The following FHIT variants were observed in gnomAD, a reference collection of about 807,000 sequenced individuals.
The protein encoded by FHIT is fragile histidine triad diadenosine triphosphatase.
Under a neutral mutation model 17.9 loss-of-function variants are expected in FHIT, and 19 were observed. That is an observed-to-expected ratio of 1.06 (90% CI 0.74 to 1.56). The LOEUF (loss-of-function observed/expected upper bound fraction) is 1.56. Ranked by LOEUF, FHIT falls within the 40% of genes most tolerant of loss-of-function variation. The pLI is 0.00. For missense variants in FHIT, 248 were observed against 189.2 expected, an observed-to-expected ratio of 1.31 and a Z score of -1.82; for synonymous variants, 81 against 69.7, an observed-to-expected ratio of 1.16 and a Z score of -0.81.
intron 3 of FHIT, among the ~76,000 whole-genome samples, chr3:60,823,052 T>C (rs181300681): frequency 6.6e-6 from 1 of 152,334 alleles, no homozygotes; most frequent in East Asian, 1.9e-4. Context: ...ATGTAGTAAT[T>C]GAAAGCAGAT....
chr3:60,788,610 T>G (rs1437694614), intron 4 of FHIT, among the ~76,000 whole-genome samples: 1 of 152,166 alleles, frequency 6.6e-6, no homozygotes, highest in Non-Finnish European at 1.5e-5. Flanking sequence ...AAGGGAGGTA[T>G]GTACATATAT....
At chr3:60,428,148 G>C (rs1702744127) in intron 5 of FHIT, among the ~76,000 whole-genome samples, 1 of 152,096 alleles carries the variant, frequency 6.6e-6, no homozygotes. Flanking sequence ...CCCCAAGAGG[G>C]CTCTCAAAGT....
chr3:59,907,212 C>T (rs2107116349), intron 8 of FHIT, among the ~76,000 whole-genome samples: 1 of 152,326 alleles, frequency 6.6e-6, no homozygotes, highest in Non-Finnish European at 1.5e-5. Context: ...CCCACACTTC[C>T]ATGGCCCTTT....
chr3:60,637,190 G>A (rs533731929), intron 4 of FHIT, among the ~76,000 whole-genome samples: 169 of 152,268 alleles, frequency 1.1e-3, no homozygotes, highest in Non-Finnish European at 2.2e-3. Context: ...ACTTGGGTAG[G>A]AGACATTTCA....
chr3:60,783,399 C>T (rs1473084963), intron 4 of FHIT, among the ~76,000 whole-genome samples: 1 of 152,292 alleles, frequency 6.6e-6, no homozygotes, highest in South Asian at 2.1e-4. Flanking sequence ...TAAGGCCTTA[C>T]ATGCTACAGA....
intron 3 of FHIT, among the ~76,000 whole-genome samples, chr3:60,915,298 T>C (rs35000370): frequency 1.6e-3 from 241 of 152,242 alleles, no homozygotes; most frequent in Middle Eastern, 3.4e-3. Context: ...TGATACCACA[T>C]ATAAAAGTGG....
chr3:60,310,392 G>T (rs751541971), intron 5 of FHIT, among the ~76,000 whole-genome samples: 3 of 152,158 alleles, frequency 2.0e-5, no homozygotes, highest in Non-Finnish European at 4.4e-5. Context: ...AGTAGAACAA[G>T]AATTGGGTGG....
chr3:60,561,541 A>G (rs778757965), intron 4 of FHIT, among the ~76,000 whole-genome samples: 6 of 152,156 alleles, frequency 3.9e-5, no homozygotes, highest in Non-Finnish European at 5.9e-5. Context: ...TGCAATAGTC[A>G]TCTGGGCAGG....
At position 60,299,623 on chromosome 3, in the gene FHIT, C is replaced by A. The variant is rs536536416; in HGVS notation, c.103+237237G>T. Among the ~76,000 whole-genome samples, 16 of 152,168 alleles carry A rather than the reference C, an allele frequency of 1.1e-4. No individual in the cohort carries two copies. In the South Asian group the frequency reaches 3.1e-3, roughly 30 times the overall value. ...GTCTATAATGCCTCTTCTGGTATCA[C>A]CCCTGAGTGGAGGAAAAGGTACTTC... On this transcript the variant is annotated intron_variant, in intron 5 of 9. Transcript: ENST00000492590.
At chr3:59,818,942 A>G (rs1700698646) in intron 8 of FHIT, among the ~76,000 whole-genome samples, 2 of 152,208 alleles carry the variant, frequency 1.3e-5, no homozygotes, top group South Asian at 4.1e-4. Context: ...ATTTTTTGCA[A>G]TGACTACTCT....
intron 2 of FHIT, among the ~76,000 whole-genome samples, chr3:61,161,419 G>T (rs1233948716): frequency 6.6e-6 from 1 of 152,008 alleles, no homozygotes; most frequent in Non-Finnish European, 1.5e-5. Context: ...AGCCAGGATG[G>T]TCTCGATCTC....
At chr3:60,036,133 C>T (rs1701207472) in intron 5 of FHIT, among the ~76,000 whole-genome samples, 1 of 152,150 alleles carries the variant, frequency 6.6e-6, no homozygotes, top group Non-Finnish European at 1.5e-5. Context: ...CATGTGGTTC[C>T]ACCAAACCAC....
intron 7 of FHIT, among the ~76,000 whole-genome samples, chr3:59,969,378 A>C (rs923939449): frequency 6.6e-6 from 1 of 152,120 alleles, no homozygotes; most frequent in African/African-American, 2.4e-5. Flanking sequence ...GCTTCTATCC[A>C]TACAAAACAG....
intron 4 of FHIT, among the ~76,000 whole-genome samples, chr3:60,700,126 G>C (rs1164739146): frequency 1.5e-5 from 1 of 64,878 alleles, no homozygotes; most frequent in Non-Finnish European, 3.8e-5. Flanking sequence ...GCGAGAGTCT[G>C]TCTCAAAAAA....
chr3:59,992,435 T>A (rs990006232), intron 7 of FHIT, among the ~76,000 whole-genome samples: 1 of 152,106 alleles, frequency 6.6e-6, no homozygotes, highest in Admixed American at 6.6e-5. Flanking sequence ...GACCGATAAG[T>A]ACAGTCTTCA....
intron 5 of FHIT, among the ~76,000 whole-genome samples, chr3:60,047,223 G>T (rs1701690052): frequency 6.6e-6 from 1 of 152,234 alleles, no homozygotes; most frequent in African/African-American, 2.4e-5. Context: ...GCAGGAAAAA[G>T]AAATTAAAGA....
At chr3:60,170,723 T>C (rs376059974) in intron 5 of FHIT, among the ~76,000 whole-genome samples, 14 of 152,276 alleles carry the variant, frequency 9.2e-5, no homozygotes, top group Middle Eastern at 3.4e-3. Context: ...GGGAAAAAAA[T>C]AACATTCTCC....
intron 1 of FHIT, among the ~76,000 whole-genome samples, chr3:61,212,440 G>A (rs1253253425): frequency 6.6e-6 from 1 of 152,178 alleles, no homozygotes; most frequent in Non-Finnish European, 1.5e-5. Flanking sequence ...AGCAAGAAGA[G>A]AAGTTTAGAG....
chr3:59,773,767 C>T (rs1259087601), intron 8 of FHIT, among the ~76,000 whole-genome samples: 1 of 152,040 alleles, frequency 6.6e-6, no homozygotes, highest in Non-Finnish European at 1.5e-5. Flanking sequence ...CATAAGGCCC[C>T]ATCCCAAATG....
Sources: gnomAD v4.1 joint callset for allele counts (sites outside exome capture counted in the v4.1 genomes callset) on GRCh38, gnomAD v4.1.1 for gene constraint, MANE v1.5 for transcripts, NCBI Gene and HGNC (gene_info 2026-07-23, HGNC 2026-07-21) for gene names.